The following MYL7 variants were observed in gnomAD, a reference collection of about 807,000 sequenced individuals.
MYL7 encodes myosin regulatory light chain 2, atrial isoform.
In MYL7, 27 loss-of-function variants were observed where a neutral mutation model predicts 22.5. That is an observed-to-expected ratio of 1.20 (90% confidence interval 0.89 to 1.66). The LOEUF is 1.66. Among genes scored for constraint, MYL7 ranks in the 40% most tolerant of loss-of-function variants. The probability of loss-of-function intolerance (pLI) is 0.00; values close to 1 mark genes in which losing one functional copy is unlikely to be tolerated. For synonymous variants in MYL7, 81 were observed against 84.4 expected (o/e 0.96, Z 0.22); for missense variants, 209 against 226.8 (o/e 0.92, Z 0.50).
intron 6 of MYL7, 104 bp downstream of exon 6, chr7:44,139,417 C>T (rs1207569123): frequency 1.5e-6 from 2 of 1,314,392 alleles, no homozygotes; most frequent in Non-Finnish European, 2.2e-6. Context: ...GGGCCCTCGG[C>T]TCACCCTTCC....
In MYL7 at chr7:44,141,313, G is replaced by A. The variant is rs1260555094; in HGVS notation, c.-8C>T. 2 of 1,613,466 alleles carry A rather than the reference G, an allele frequency of 1.2e-6. No homozygotes were observed. Among genetic ancestry groups the A allele is most frequent in the Non-Finnish European group, 1.7e-6 (2 of 1,179,710 alleles). On this transcript the variant is annotated 5_prime_UTR_variant, in exon 1 of 7. Transcript: ENST00000223364. ...CCAGCAGGCACTCACCATTCTCTCT[G>A]CAGAGGTGTGGCTGCTGTCGTGGTG...
chr7:44,141,214 C>T (rs777886881), intron 1 of MYL7, 89 bp downstream of exon 1: 48 of 1,606,024 alleles, frequency 3.0e-5, no homozygotes, highest in Non-Finnish European at 3.8e-5. Context: ...CCACCCTCAA[C>T]CCAACACAAG....
In MYL7 at chr7:44,138,877, A is replaced by G. The variant is rs1377259263; in HGVS notation, c.*44T>C. ...ACACCACAGCAATTCCAATTTTGCA[A>G]CAGAGTTTATTGAGGTGCCCCCCCG... is the stretch of plus-strand genomic sequence containing the variant. On this transcript the variant is annotated 3_prime_UTR_variant, in exon 7 of 7. Transcript: ENST00000223364. 1 of 1,540,104 alleles carries G rather than the reference A, an allele frequency of 6.5e-7. No individual in the cohort carries two copies. Among genetic ancestry groups the G allele is most frequent in the Non-Finnish European group, 9.0e-7 (1 of 1,113,044 alleles).
At chr7:44,140,261 G>A in intron 4 of MYL7, 62 bp downstream of exon 4, 2 of 1,396,892 alleles carry the variant, frequency 1.4e-6, no homozygotes, top group Non-Finnish European at 2.0e-6. Context: ...GTTCAGGTGG[G>A]GTTCAGGCAG....
In MYL7 at chr7:44,140,356, C is replaced by T. The variant is rs760469703; in HGVS notation, c.265G>A (p.Val89Ile). 1.4e-5 allele frequency: 23 copies of T among 1,613,912 alleles called. No homozygotes were observed. Among genetic ancestry groups the T allele is most frequent in the East Asian group, 1.3e-4 (6 of 44,858 alleles). ...QEGKGPINFT[V>I]FLTLFGEKLN... ...TTCTCCCCAAAGAGCGTGAGGAAGA[C>T]GGTGAAGTTGATGGGGCCCTTGCCC... is the stretch of plus-strand genomic sequence containing the variant. The change falls in exon 4 of 7, where the codon GTC becomes ATC. Residue 89 changes from valine to isoleucine, a missense_variant. By Grantham distance (29) the Val-to-Ile change is conservative (BLOSUM62 3). Coordinates refer to ENST00000223364, the MANE Select transcript of MYL7 (RefSeq NM_021223.3).
In MYL7 at chr7:44,141,052, C is replaced by G. The variant is rs376123400; in HGVS notation, c.26G>C (p.Arg9Pro). 2.5e-6 allele frequency: 4 copies of G among 1,613,804 alleles called. No homozygotes were observed. The highest frequency in any genetic ancestry group is 1.6e-4 in the Middle Eastern group (1 of 6,080). ...CTGCTTGGTGGCTGCCACCTTGCCC[C>G]GGGTCCCCGCCTTCCTGCTGGCCTG... MASRKAGTRGKVAATKQAQ... is the reference protein window; with the variant it reads MASRKAGTPGKVAATKQAQ... The change falls in exon 2 of 7, where the codon CGG becomes CCG. Residue 9 changes from arginine (R) to proline (P), a missense_variant. Physicochemically the swap from Arg to Pro is moderately radical, Grantham distance 103. Transcript: ENST00000223364.
rs1431723693 is a variant in MYL7, at chr7:44,140,311, T to G, written c.298+12A>C. Reference sequence around the variant, plus strand: ...GCCTGGCCAAGGGTGCCCAGCTCTGTCCCAGGCTCACCATTGAGCTTCTCC... The same window carrying G: ...GCCTGGCCAAGGGTGCCCAGCTCTGGCCCAGGCTCACCATTGAGCTTCTCC... On this transcript the variant is annotated intron_variant, in intron 4 of 6. Transcript: ENST00000223364. 10 of 1,611,850 alleles carry G rather than the reference T, an allele frequency of 6.2e-6. No homozygotes were observed. Among genetic ancestry groups the G allele is most frequent in the Non-Finnish European group, 8.5e-6 (10 of 1,178,300 alleles).
At position 44,139,042 on chromosome 7, in the gene MYL7, G is replaced by C. The variant is rs370555444; in HGVS notation, c.427-20C>G. 5.0e-6 allele frequency: 8 copies of C among 1,599,682 alleles called. No homozygotes were observed. The highest frequency in any genetic ancestry group is 1.3e-5 in the African/African-American group (1 of 74,688). ...CTCCACCTGCAGGGGACACTGGTGA[G>C]TGGCAGTCCCCTGGCTCCTGGCCCA... On this transcript the variant is annotated intron_variant, in intron 6 of 6. Coordinates refer to ENST00000223364, the MANE Select transcript of MYL7 (RefSeq NM_021223.3).
intron 2 of MYL7, 59 bp from the exon 3 acceptor site, chr7:44,140,846 G>A (rs929915031): frequency 5.0e-6 from 8 of 1,604,006 alleles, no homozygotes; most frequent in Admixed American, 3.4e-5. Flanking sequence ...GGTGGGAGGT[G>A]GGGGAGAGAC....
chr7:44,140,462 C>A (rs202150864), intron 3 of MYL7, 35 bp from the exon 4 acceptor site: 81 of 1,494,050 alleles, frequency 5.4e-5, no homozygotes, highest in Non-Finnish European at 1.9e-5. Context: ...CACACAGGGA[C>A]CCTGGGTGTC....
chr7:44,139,769 G>GTAAGTAA lies in MYL7; in HGVS notation c.377+12_377+13insTTACTTA. ...CACCACGGTGCTCCTCATCTGGCTG[G>GTAAGTAA]GCCCATACTTACTCATCCTTGTTCA... On this transcript the variant is annotated intron_variant, in intron 5 of 6. Transcript: ENST00000223364. The GTAAGTAA allele has an allele frequency of 6.2e-7, 1 of 1,612,450 alleles. No individual in the cohort carries two copies. Among genetic ancestry groups the GTAAGTAA allele is most frequent in the East Asian group, 2.2e-5 (1 of 44,830 alleles).
At chr7:44,140,581 G>T in intron 3 of MYL7, 131 bp downstream of exon 3, 2 of 1,149,656 alleles carry the variant, frequency 1.7e-6, no homozygotes, top group Non-Finnish European at 1.2e-6. Flanking sequence ...GACAAGGGGG[G>T]AAGGGCAGTG....
In MYL7 at chr7:44,140,393, G is replaced by A. The variant is rs1333673811; in HGVS notation, c.228C>T (p.Ala76=). The A allele has an allele frequency of 6.2e-7, 1 of 1,613,998 alleles. No individual in the cohort carries two copies. Among genetic ancestry groups the A allele is most frequent in the Non-Finnish European group, 8.5e-7 (1 of 1,179,988 alleles). The stretch of plus-strand genomic sequence containing the variant: ...TGGGGCCCTTGCCCTCTTGCAGCAT[G>A]GCGTCCAGCTCCTCCTCTGGGACAC... The part of the protein sequence containing the change: ...KVSVPEEELD[A]MLQEGKGPIN... Residue 76 remains alanine, a synonymous_variant, in exon 4 of 7, where the codon GCC becomes GCT. Coordinates refer to ENST00000223364, the MANE Select transcript of MYL7 (RefSeq NM_021223.3).
At chr7:44,139,402 C>T in intron 6 of MYL7, 119 bp downstream of exon 6, 1 of 1,142,740 alleles carries the variant, frequency 8.8e-7, no homozygotes, top group South Asian at 1.2e-5. Flanking sequence ...GCACCTCCTC[C>T]AGAAGGGCCC....
chr7:44,140,925 G>A (rs755741148), intron 2 of MYL7, 36 bp downstream of exon 2: 1 of 1,591,076 alleles, frequency 6.3e-7, no homozygotes, highest in East Asian at 2.2e-5. Flanking sequence ...GGGGGGGCCA[G>A]GATGGGATCT....
intron 3 of MYL7, 77 bp downstream of exon 3, chr7:44,140,634 TC>T (rs1374374980): frequency 2.1e-6 from 3 of 1,427,612 alleles, no homozygotes; most frequent in Non-Finnish European, 2.8e-6. Flanking sequence ...CAGAGTCCTG[TC>T]CCCCCAGCCA....
At chr7:44,141,278 C>G in intron 1 of MYL7, 25 bp downstream of exon 1, 1 of 1,614,102 alleles carries the variant, frequency 6.2e-7, no homozygotes, top group Non-Finnish European at 8.5e-7. Context: ...AGACCGCTAG[C>G]CTTTCTTCCC....
intron 2 of MYL7, 39 bp downstream of exon 2, chr7:44,140,922 C>T: frequency 6.3e-7 from 1 of 1,576,284 alleles, no homozygotes; most frequent in Non-Finnish European, 8.7e-7. Flanking sequence ...GGTGGGGGGG[C>T]CAGGATGGGA....
rs759473993 is a variant in MYL7, at chr7:44,138,922, C to T, written c.527G>A (p.Ter176=). ...IITHGDEKEE[*] The stretch of plus-strand genomic sequence containing the variant: ...CCCCCGTGGGCCTGGCCCTGCCCCT[C>T]ATTCCTCTTTCTCGTCTCCATGGGT... The change falls in exon 7 of 7, where the codon TGA becomes TAA. Residue 176 remains the stop codon, a stop_retained_variant. Coordinates refer to ENST00000223364, the MANE Select transcript of MYL7 (RefSeq NM_021223.3). 2.5e-6 allele frequency: 4 copies of T among 1,613,798 alleles called. No homozygotes were observed. The South Asian group carries it at 3.3e-5, about 13-fold the overall frequency.
Sources: allele counts gnomAD v4.1 joint callset, GRCh38; gene constraint gnomAD v4.1.1; transcripts MANE v1.5; gene names NCBI Gene and HGNC (gene_info 2026-07-23, HGNC 2026-07-21).